The following MECOM variants were observed in gnomAD, a reference collection of about 807,000 sequenced individuals.
The protein encoded by MECOM is histone-lysine N-methyltransferase MECOM.
MECOM carries 13 observed loss-of-function variants against 116.3 expected under a neutral mutation model. That is an observed-to-expected ratio of 0.11 (90% CI 0.07 to 0.18). MECOM has a LOEUF of 0.18. Among genes scored for constraint, MECOM ranks in the 10% least tolerant of loss-of-function variants. MECOM has a pLI of 1.00. For missense variants in MECOM, 1,299 were observed against 1,509.0 expected, an observed-to-expected ratio of 0.86 and a Z score of 2.31; for synonymous variants, 528 against 535.2, an observed-to-expected ratio of 0.99 and a Z score of 0.19.
At chr3:169,496,115 T>C (rs1215319335) in intron 1 of MECOM, among the ~76,000 whole-genome samples, 1 of 152,186 alleles carries the variant, frequency 6.6e-6, no homozygotes, top group Non-Finnish European at 1.5e-5. Flanking sequence ...CCTGTTGTTA[T>C]GGGGAAATTG....
chr3:169,104,704 G>C (rs1295395290), intron 10 of MECOM, among the ~76,000 whole-genome samples: 1 of 152,132 alleles, frequency 6.6e-6, no homozygotes, highest in African/African-American at 2.4e-5. Flanking sequence ...GCTTACTCAT[G>C]ACTATTATTC....
intron 1 of MECOM, among the ~76,000 whole-genome samples, chr3:169,544,300 T>C (rs924789271): frequency 6.6e-6 from 1 of 152,194 alleles, no homozygotes; most frequent in African/African-American, 2.4e-5. Context: ...ATCATCATCA[T>C]CATCAAAGTG....
chr3:169,272,105 G>T (rs958445618), intron 2 of MECOM, among the ~76,000 whole-genome samples: 8 of 152,174 alleles, frequency 5.3e-5, no homozygotes, highest in East Asian at 1.9e-4. Context: ...TCATGACAGG[G>T]TTCAACCATT....
intron 1 of MECOM, chr3:169,470,224 A>C (rs537173697): frequency 1.3e-5 from 2 of 152,332 alleles, no homozygotes; most frequent in Middle Eastern, 3.4e-3. Context: ...CAAAAGATAC[A>C]TTCCAACTTC....
chr3:169,622,377 GC>G (rs1162875764), intron 1 of MECOM, among the ~76,000 whole-genome samples: 7 of 152,172 alleles, frequency 4.6e-5, no homozygotes, highest in Non-Finnish European at 1.0e-4. Flanking sequence ...CAGGGTATGA[GC>G]CACTGTGCCC....
chr3:169,340,765 T>C (rs1362443929), intron 2 of MECOM, among the ~76,000 whole-genome samples: 1 of 152,214 alleles, frequency 6.6e-6, no homozygotes, highest in Non-Finnish European at 1.5e-5. Context: ...TGAAAGTGTG[T>C]CAGCTCCAAT....
intron 2 of MECOM, among the ~76,000 whole-genome samples, chr3:169,239,567 A>C (rs779457936): frequency 6.6e-6 from 1 of 152,032 alleles, no homozygotes; most frequent in Non-Finnish European, 1.5e-5. Context: ...TCAAATAAAA[A>C]GTTCTAGACT....
At chr3:169,124,568 A>G (rs1277367670) in intron 5 of MECOM, among the ~76,000 whole-genome samples, 1 of 151,966 alleles carries the variant, frequency 6.6e-6, no homozygotes, top group East Asian at 1.9e-4. Flanking sequence ...TTAAGAAATT[A>G]TTTTTAATGT....
At chr3:169,462,602 A>C (rs1203637922) in intron 1 of MECOM, among the ~76,000 whole-genome samples, 2 of 152,202 alleles carry the variant, frequency 1.3e-5, no homozygotes, top group Non-Finnish European at 2.9e-5. Context: ...GAAAAAAATG[A>C]AGACTTGAAA....
In MECOM at chr3:169,551,884, T is replaced by A. The variant is rs536280104; in HGVS notation, c.37+111452A>T. ...AAAATTATTCAGCCATAAAAAGGAA[T>A]AGAGTTCTGACACATGCTGCAATAT... On this transcript the variant is annotated intron_variant, in intron 1 of 16. Transcript: ENST00000651503. Among the ~76,000 whole-genome samples, 8 of 152,270 alleles carry A rather than the reference T, an allele frequency of 5.3e-5. No homozygotes were observed. The South Asian group carries it at 1.7e-3, about 32-fold the overall frequency.
chr3:169,219,668 G>C (rs548777610), intron 2 of MECOM, among the ~76,000 whole-genome samples: 3 of 152,018 alleles, frequency 2.0e-5, no homozygotes, highest in African/African-American at 4.8e-5. Context: ...GTGGGTGTGT[G>C]GTGTAGAAGG....
At chr3:169,588,336 T>C (rs1449471817) in intron 1 of MECOM, among the ~76,000 whole-genome samples, 4 of 152,142 alleles carry the variant, frequency 2.6e-5, no homozygotes, top group Admixed American at 6.5e-5. Flanking sequence ...TATTTTGCCA[T>C]AGAGATTTTT....
chr3:169,322,602 TC>T (rs1721044501), intron 2 of MECOM, among the ~76,000 whole-genome samples: 1 of 152,062 alleles, frequency 6.6e-6, no homozygotes, highest in African/African-American at 2.4e-5. Flanking sequence ...AGTTAATTCT[TC>T]CTGGAGTGTT....
chr3:169,162,664 T>A (rs1743016144), intron 2 of MECOM, among the ~76,000 whole-genome samples: 1 of 152,224 alleles, frequency 6.6e-6, no homozygotes, highest in African/African-American at 2.4e-5. Flanking sequence ...CACGTAATCA[T>A]CCTCACATAT....
chr3:169,418,080 A>G (rs1220067497), intron 1 of MECOM, among the ~76,000 whole-genome samples: 1 of 151,660 alleles, frequency 6.6e-6, no homozygotes, highest in Non-Finnish European at 1.5e-5. Flanking sequence ...CACATTGTGC[A>G]CATGTACCCT....
At chr3:169,338,617 G>GTT (rs1181851795) in intron 2 of MECOM, among the ~76,000 whole-genome samples, 3 of 151,832 alleles carry the variant, frequency 2.0e-5, no homozygotes, top group Non-Finnish European at 4.4e-5. Context: ...GTGTGTGTGT[G>GTT]TGTGTGTGTG....
chr3:169,360,300 A>T (rs1020247186), intron 2 of MECOM, among the ~76,000 whole-genome samples: 4 of 139,932 alleles, frequency 2.9e-5, no homozygotes, highest in African/African-American at 1.1e-4. Context: ...TAAAAAAAAA[A>T]AAAAAAAAAA....
At chr3:169,283,252 C>A (rs1712522010) in intron 2 of MECOM, among the ~76,000 whole-genome samples, 1 of 151,956 alleles carries the variant, frequency 6.6e-6, no homozygotes, top group South Asian at 2.1e-4. Context: ...CCTGTAATCC[C>A]AGCATTTTGG....
At chr3:169,085,164 G>A (rs1349164886) in intron 16 of MECOM, 121 bp from the exon 17 acceptor site, 6 of 1,255,396 alleles carry the variant, frequency 4.8e-6, no homozygotes, top group African/African-American at 3.0e-5. Context: ...CTTCATGGGT[G>A]TGTTTGGCAA....
Sources: allele counts gnomAD v4.1 joint callset (sites outside exome capture counted in the v4.1 genomes callset), GRCh38; gene constraint gnomAD v4.1.1; transcripts MANE v1.5; gene names NCBI Gene and HGNC (gene_info 2026-07-23, HGNC 2026-07-21).